NAALADL2: variants seen among roughly 807,000 people sequenced by gnomAD.
NAALADL2 encodes N-acetylated alpha-linked acidic dipeptidase like 2.
In NAALADL2, 76 loss-of-function variants were observed where a neutral mutation model predicts 87.2. The observed-to-expected ratio is 0.87, with a 90% confidence interval of 0.72 to 1.05. NAALADL2 has a LOEUF of 1.05. Among genes scored for constraint, NAALADL2 ranks in the 50% least tolerant of loss-of-function variants. The probability of loss-of-function intolerance (pLI) is 0.00; values close to 1 mark genes in which losing one functional copy is unlikely to be tolerated. For synonymous variants in NAALADL2, 354 were observed against 331.0 expected, an observed-to-expected ratio of 1.07 and a Z score of -0.75; for missense variants, 1,089 against 945.8, an observed-to-expected ratio of 1.15 and a Z score of -1.99.
chr3:175,519,399 C>G (rs112643677), intron 9 of NAALADL2, among the ~76,000 whole-genome samples: 14 of 152,188 alleles, frequency 9.2e-5, no homozygotes, highest in African/African-American at 3.1e-4. Flanking sequence ...GCCACTGAGG[C>G]CTTCATTTTA....
At chr3:175,701,533 C>G (rs1738998592) in intron 11 of NAALADL2, among the ~76,000 whole-genome samples, 1 of 152,010 alleles carries the variant, frequency 6.6e-6, no homozygotes, top group African/African-American at 2.4e-5. Flanking sequence ...AAATGGCATG[C>G]CTTCCGTTAA....
At chr3:175,560,442 A>G (rs938774471) in intron 9 of NAALADL2, among the ~76,000 whole-genome samples, 2 of 151,644 alleles carry the variant, frequency 1.3e-5, no homozygotes, top group African/African-American at 2.4e-5. Flanking sequence ...TTTGTTTTCA[A>G]TATTGTTTTT....
At chr3:175,335,122 C>G (rs1021823171) in intron 5 of NAALADL2, among the ~76,000 whole-genome samples, 1 of 152,180 alleles carries the variant, frequency 6.6e-6, no homozygotes, top group Admixed American at 6.5e-5. Context: ...AACCTCACCA[C>G]GTCTACCGCG....
intron 9 of NAALADL2, among the ~76,000 whole-genome samples, chr3:175,545,277 T>C (rs1339426761): frequency 6.6e-6 from 1 of 152,292 alleles, no homozygotes; most frequent in South Asian, 2.1e-4. Context: ...CAATCATTTA[T>C]TTTCTGACAG....
chr3:175,489,651 A>T (rs943611091), intron 9 of NAALADL2, among the ~76,000 whole-genome samples: 1 of 152,172 alleles, frequency 6.6e-6, no homozygotes. Flanking sequence ...ATTCTCAGTT[A>T]TTTTCCCAAG....
chr3:175,657,356 T>G (rs2149802646), intron 11 of NAALADL2, among the ~76,000 whole-genome samples: 1 of 152,318 alleles, frequency 6.6e-6, no homozygotes, highest in East Asian at 1.9e-4. Context: ...AAATACAAGA[T>G]AAGTATCAGG....
Position 175,324,260 on chromosome 3 carries a change from A to T in NAALADL2, c.1025A>T (p.His342Leu), listed in dbSNP as rs202214379. ...CDLPKTVNPSHDTFMVSLNPG... is the reference protein window; with the variant it reads ...CDLPKTVNPSLDTFMVSLNPG... ...TTGCCAAAGACTGTGAATCCTAGCC[A>T]TGATACCTTCATGGTGTCACTGAAT... is the stretch of plus-strand genomic sequence containing the variant. The change falls in exon 5 of 14, where the codon CAT (histidine) becomes CTT (leucine). Residue 342 changes from histidine to leucine, a missense_variant. His to Leu is a moderately conservative substitution (Grantham distance 99, BLOSUM62 -3). Coordinates refer to ENST00000454872, the MANE Select transcript of NAALADL2 (RefSeq NM_207015.3). The T allele has an allele frequency of 1.2e-4, 194 of 1,613,768 alleles. No individual in the cohort carries two copies. In the African/African-American group the frequency reaches 2.3e-3, roughly 19 times the overall value.
chr3:175,108,728 C>A lies in NAALADL2; in HGVS notation c.545+11437C>A, dbSNP rs575655541. Among the ~76,000 whole-genome samples, 12 of 152,046 alleles carry A rather than the reference C, an allele frequency of 7.9e-5. No individual in the cohort carries two copies. In the South Asian group the frequency reaches 2.3e-3, roughly 29 times the overall value. The stretch of plus-strand genomic sequence containing the variant: ...CACATCAGATATTCCCTTATTATAA[C>A]TTCCTTAGGCTTATCTGAAAGGTAT... On this transcript the variant is annotated intron_variant, in intron 2 of 13. Transcript: ENST00000454872.
At chr3:174,871,540 A>G (rs1258872527) in intron 1 of NAALADL2, among the ~76,000 whole-genome samples, 4 of 152,196 alleles carry the variant, frequency 2.6e-5, no homozygotes, top group African/African-American at 9.7e-5. Context: ...ATGTTAGGAG[A>G]CAAAAGATTA....
intron 4 of NAALADL2, among the ~76,000 whole-genome samples, chr3:175,273,646 A>G (rs1753166178): frequency 1.3e-5 from 2 of 152,126 alleles, no homozygotes; most frequent in Admixed American, 6.6e-5. Context: ...GTTTAAGGAA[A>G]TAGAAAAAAA....
intron 11 of NAALADL2, among the ~76,000 whole-genome samples, chr3:175,694,822 C>T (rs968873363): frequency 6.6e-6 from 1 of 152,180 alleles, no homozygotes; most frequent in African/African-American, 2.4e-5. Context: ...GTTCAACTAT[C>T]AGATTTTTAA....
At chr3:174,567,418 AATTATATCTAAAC>A (rs1714418396) in intron 2 of NAALADL2, among the ~76,000 whole-genome samples, 1 of 151,536 alleles carries the variant, frequency 6.6e-6, no homozygotes, top group East Asian at 1.9e-4. Context: ...AATTTTTTTC[AATTATATCTAAAC>A]ATTAGGCACT....
chr3:175,058,842 T>C (rs1712806975), intron 1 of NAALADL2, among the ~76,000 whole-genome samples: 2 of 152,218 alleles, frequency 1.3e-5, no homozygotes, highest in Non-Finnish European at 2.9e-5. Context: ...TGTGCTGTTT[T>C]CTTCGGGCTG....
Position 175,731,162 on chromosome 3 carries a change from A to T in NAALADL2, c.1897-6144A>T, listed in dbSNP as rs372512133. Among the ~76,000 whole-genome samples the T allele has an allele frequency of 2.6e-5, 4 of 152,196 alleles. No homozygotes were observed. In the East Asian group the frequency reaches 7.7e-4, roughly 29 times the overall value. ...TTAAACCTCGTGTTATAGCAAAAAA[A>T]GTAGCACAGGCCTTCAAATCAATGA... On this transcript the variant is annotated intron_variant, in intron 11 of 13. Transcript: ENST00000454872.
At chr3:174,655,832 T>C (rs547527920) in intron 2 of NAALADL2, among the ~76,000 whole-genome samples, 47 of 152,286 alleles carry the variant, frequency 3.1e-4, no homozygotes, top group Non-Finnish European at 6.3e-4. Flanking sequence ...TTTTAACATA[T>C]AAAAGTTTTA....
At chr3:175,402,375 T>A (rs1770668620) in intron 5 of NAALADL2, among the ~76,000 whole-genome samples, 1 of 152,074 alleles carries the variant, frequency 6.6e-6, no homozygotes, top group Non-Finnish European at 1.5e-5. Context: ...ATGCTTCTTC[T>A]TGCCTCATAA....
chr3:175,573,182 C>A (rs1459654119), intron 9 of NAALADL2, among the ~76,000 whole-genome samples: 1 of 152,114 alleles, frequency 6.6e-6, no homozygotes, highest in Non-Finnish European at 1.5e-5. Context: ...ATCTAAGGAG[C>A]ATGGCTGAGC....
intron 3 of NAALADL2, among the ~76,000 whole-genome samples, chr3:174,829,114 TG>T (rs1560265578): frequency 6.6e-6 from 1 of 152,008 alleles, no homozygotes; most frequent in Non-Finnish European, 1.5e-5. Flanking sequence ...TTGTTGTTGT[TG>T]TTGTTGTTTT....
chr3:174,645,205 T>A (rs919924066), intron 2 of NAALADL2, among the ~76,000 whole-genome samples: 3 of 152,194 alleles, frequency 2.0e-5, no homozygotes, highest in Non-Finnish European at 4.4e-5. Context: ...GTATACCACA[T>A]TGAGGAAAGC....
Sources: gnomAD v4.1 joint callset for allele counts (sites outside exome capture counted in the v4.1 genomes callset) on GRCh38, gnomAD v4.1.1 for gene constraint, MANE v1.5 for transcripts, NCBI Gene and HGNC (gene_info 2026-07-23, HGNC 2026-07-21) for gene names.